MYCBP2: variants seen among roughly 807,000 people sequenced by gnomAD.
MYCBP2 encodes the protein E3 ubiquitin-protein ligase MYCBP2.
In MYCBP2, 120 loss-of-function variants were observed where a neutral mutation model predicts 525.3. That is an observed-to-expected ratio of 0.23 (90% confidence interval 0.20 to 0.27). MYCBP2 has a LOEUF of 0.27. Among genes scored for constraint, MYCBP2 ranks in the 10% least tolerant of loss-of-function variants. MYCBP2 has a pLI of 1.00. For synonymous variants in MYCBP2, 1,894 were observed against 1,955.8 expected (o/e 0.97, Z 0.83); for missense variants, 4,149 against 5,657.1 (o/e 0.73, Z 8.55).
At chr13:77,299,807 C>T (rs748312375) in intron 1 of MYCBP2, among the ~76,000 whole-genome samples, 2 of 152,060 alleles carry the variant, frequency 1.3e-5, no homozygotes, top group Non-Finnish European at 2.9e-5. Flanking sequence ...AACTTCATAT[C>T]CATCAGATTT....
Position 77,177,808 on chromosome 13 carries a change from A to G in MYCBP2, c.5280T>C (p.Gly1760=), listed in dbSNP as rs894102832. ...SVDKPGIVVV[G]FSVYGGGGIH... The stretch of plus-strand genomic sequence containing the variant: ...TTCCACCTCCTCCATAGACAGAGAA[A>G]CCAACCACAACTATTCCAGGTTTGT... The change falls in exon 35 of 83, where the codon GGT becomes GGC. Residue 1760 remains glycine, a synonymous_variant. Transcript: ENST00000544440. The G allele has an allele frequency of 1.9e-6, 3 of 1,614,082 alleles. No individual in the cohort carries two copies. In the South Asian group the frequency reaches 3.3e-5, roughly 18 times the overall value.
chr13:77,087,671 T>C (rs761608585), intron 61 of MYCBP2, 38 bp from the exon 62 acceptor site: 40 of 1,565,560 alleles, frequency 2.6e-5, no homozygotes, highest in Non-Finnish European at 3.4e-5. Context: ...AAGAATAAAA[T>C]ACATGAGTTT....
At chr13:77,208,502 T>C (rs1169701544) in intron 23 of MYCBP2, among the ~76,000 whole-genome samples, 1 of 152,214 alleles carries the variant, frequency 6.6e-6, no homozygotes, top group African/African-American at 2.4e-5. Context: ...GTTAAGTATA[T>C]TTGGTATACC....
chr13:77,065,954 C>T (rs751631854), intron 72 of MYCBP2, 38 bp downstream of exon 72: 2 of 1,500,196 alleles, frequency 1.3e-6, no homozygotes, highest in Admixed American at 1.8e-5. Context: ...CAGCTTCCTG[C>T]CGCACTTCAC....
chr13:77,155,859 A>G lies in MYCBP2; in HGVS notation c.6915+199T>C, dbSNP rs142181650. ...AACAGGTAGCAAAATGTAAAGAACA[A>G]ACTCACAAAAAAAACAGGTGTAACT... On this transcript the variant is annotated intron_variant, in intron 46 of 82. Coordinates refer to ENST00000544440, the MANE Select transcript of MYCBP2 (RefSeq NM_015057.5). 1.1e-4 allele frequency among the ~76,000 whole-genome samples: 17 copies of G among 152,320 alleles called. No individual in the cohort carries two copies. The East Asian group carries it at 3.3e-3, about 29-fold the overall frequency.
chr13:77,181,659 G>T (rs778563103), intron 33 of MYCBP2, 42 bp downstream of exon 33: 1 of 1,532,204 alleles, frequency 6.5e-7, no homozygotes, highest in African/African-American at 1.4e-5. Context: ...ACCATTTAGA[G>T]TTTTAGTGCC....
At chr13:77,294,225 G>A (rs2077935378) in intron 2 of MYCBP2, among the ~76,000 whole-genome samples, 1 of 147,914 alleles carries the variant, frequency 6.8e-6, no homozygotes, top group African/African-American at 2.5e-5. Flanking sequence ...CTTTCAGAAA[G>A]AGGGTAGATG....
chr13:77,221,421 C>T (rs1225017851), intron 20 of MYCBP2, among the ~76,000 whole-genome samples: 1 of 152,158 alleles, frequency 6.6e-6, no homozygotes, highest in African/African-American at 2.4e-5. Context: ...GCGGCCAACA[C>T]ACCTCAGTGT....
chr13:77,168,319 C>T lies in MYCBP2; in HGVS notation c.6114+109G>A, dbSNP rs891927372. On this transcript the variant is annotated intron_variant, in intron 40 of 82. Coordinates refer to ENST00000544440, the MANE Select transcript of MYCBP2 (RefSeq NM_015057.5). ...CCTGCTGATTCTCTATATGTAAATA[C>T]TATAAAAGAAAATACACTTGTAAAT... The T allele has an allele frequency of 8.3e-6, 7 of 843,302 alleles. No individual in the cohort carries two copies. In the Admixed American group the frequency reaches 1.5e-4, roughly 19 times the overall value. 52.2% of individuals were successfully genotyped at this position (843,302 alleles called of 1,614,324 possible).
intron 17 of MYCBP2, among the ~76,000 whole-genome samples, chr13:77,235,585 C>A (rs2067801492): frequency 6.6e-6 from 1 of 152,062 alleles, no homozygotes; most frequent in Admixed American, 6.6e-5. Context: ...AGTCCCTAAC[C>A]TGCTTTCAAT....
chr13:77,096,196 G>T, intron 57 of MYCBP2, 116 bp downstream of exon 57: 2 of 1,062,964 alleles, frequency 1.9e-6, no homozygotes, highest in Non-Finnish European at 1.3e-6. Context: ...CATTATAAAA[G>T]CTGATCTTTT....
chr13:77,326,678 G>A lies in MYCBP2; in HGVS notation c.98C>T (p.Ala33Val). Reference protein sequence around the residue: ...YPAATFSSSPAPGALFMPVPD... With the variant: ...YPAATFSSSPVPGALFMPVPD... Reference sequence around the variant, plus strand: ...AACCGGCATGAACAGCGCCCCCGGCGCCGGGGAGGAAGAGAAGGTGGCGGC... The same window carrying A: ...AACCGGCATGAACAGCGCCCCCGGCACCGGGGAGGAAGAGAAGGTGGCGGC... The change falls in exon 1 of 83, where the codon GCG becomes GTG. Residue 33 changes from alanine (A) to valine (V), a missense_variant. By Grantham distance (64) the Ala-to-Val change is moderately conservative. Around this residue, in one of 21 missense-constraint regions of MYCBP2, gnomAD observed 413 missense variants for 451.2 expected, o/e 0.92. Coordinates refer to ENST00000544440, the MANE Select transcript of MYCBP2 (RefSeq NM_015057.5). This position sits in a 1 kb window ranked among gnomAD's most constrained non-coding sequence, Gnocchi z 4.2. The A allele has an allele frequency of 2.1e-6, 3 of 1,460,598 alleles. No individual in the cohort carries two copies. Among genetic ancestry groups the A allele is most frequent in the East Asian group, 5.8e-5 (2 of 34,284 alleles). 90.5% of individuals were successfully genotyped at this position (1,460,598 alleles called of 1,614,324 possible).
intron 32 of MYCBP2, among the ~76,000 whole-genome samples, chr13:77,184,335 G>A (rs746034526): frequency 3.3e-5 from 5 of 151,922 alleles, no homozygotes; most frequent in Non-Finnish European, 7.4e-5. Context: ...ATTCTACTGT[G>A]GTCTGAAAAT....
At chr13:77,074,138 G>A (rs2041892785) in intron 68 of MYCBP2, among the ~76,000 whole-genome samples, 1 of 151,248 alleles carries the variant, frequency 6.6e-6, no homozygotes, top group Non-Finnish European at 1.5e-5. Context: ...TTTTTATAAA[G>A]CTACAGTAAG....
chr13:77,072,206 G>A (rs2154088711), intron 68 of MYCBP2, among the ~76,000 whole-genome samples: 1 of 151,578 alleles, frequency 6.6e-6, no homozygotes, highest in African/African-American at 2.4e-5. Flanking sequence ...CAGGAGAATG[G>A]CGTGAACCCA....
chr13:77,230,424 A>G (rs2066971581), intron 18 of MYCBP2, among the ~76,000 whole-genome samples: 1 of 152,242 alleles, frequency 6.6e-6, no homozygotes. Context: ...AATACTTATT[A>G]AAAGACTGAA....
At chr13:77,195,727 T>C (rs1378714477) in intron 26 of MYCBP2, among the ~76,000 whole-genome samples, 3 of 152,216 alleles carry the variant, frequency 2.0e-5, no homozygotes, top group Non-Finnish European at 2.9e-5. Context: ...AACTAATTAG[T>C]CTTATCTCCA....
intron 26 of MYCBP2, among the ~76,000 whole-genome samples, chr13:77,199,374 C>G (rs574557091): frequency 2.0e-5 from 3 of 152,370 alleles, no homozygotes; most frequent in South Asian, 4.1e-4. Context: ...TATCCTGCAC[C>G]TGACTCGGAG....
intron 54 of MYCBP2, 95 bp from the exon 55 acceptor site, chr13:77,121,590 T>C: frequency 1.6e-6 from 2 of 1,237,802 alleles, no homozygotes; most frequent in Non-Finnish European, 2.1e-6. Flanking sequence ...TTTATGATGG[T>C]TAGATTTTAA....
Sources: allele counts gnomAD v4.1 joint callset (sites outside exome capture counted in the v4.1 genomes callset), GRCh38; gene constraint gnomAD v4.1.1; regional missense constraint gnomAD v4.1.1; non-coding constraint Gnocchi (gnomAD v3.1); transcripts MANE v1.5; gene names NCBI Gene and HGNC (gene_info 2026-07-23, HGNC 2026-07-21).